BRINP1: variants seen among roughly 807,000 people sequenced by gnomAD.
The protein encoded by BRINP1 is BMP/retinoic acid inducible neural specific 1, also known as BMP/retinoic acid-inducible neural-specific protein 1.
Under a neutral mutation model 72.9 loss-of-function variants are expected in BRINP1, and 17 were observed. The ratio of observed to expected loss-of-function variants is 0.23; its 90% CI spans 0.16 to 0.35. The LOEUF (loss-of-function observed/expected upper bound fraction) is 0.35, where lower values mean the gene tolerates loss of function less well. BRINP1 is among the 10% of genes least tolerant of loss of function. BRINP1 has a pLI of 1.00. For synonymous variants in BRINP1, 418 were observed against 378.5 expected (o/e 1.10, Z -1.21); for missense variants, 850 against 1,001.6 (o/e 0.85, Z 2.04).
intron 5 of BRINP1, among the ~76,000 whole-genome samples, chr9:119,235,760 C>A (rs1290747907): frequency 6.6e-6 from 1 of 152,068 alleles, no homozygotes; most frequent in Admixed American, 6.5e-5. Context: ...TGTAGTTAGT[C>A]TCAATAAAGG....
Position 119,337,022 on chromosome 9 carries a change from T to C in BRINP1, c.-50-23617A>G, listed in dbSNP as rs546580904. On this transcript the variant is annotated intron_variant, in intron 1 of 7. Coordinates refer to ENST00000265922, the MANE Select transcript of BRINP1 (RefSeq NM_014618.3). ...GGGGCCAACCTCTTCTCCATCTCGA[T>C]GGTTCCATTTCTAAGCAGATTTCGT... 5.9e-5 allele frequency among the ~76,000 whole-genome samples: 9 copies of C among 152,188 alleles called. No individual in the cohort carries two copies. In the East Asian group the frequency reaches 1.7e-3, roughly 30 times the overall value.
chr9:119,296,865 A>G (rs1385673002), intron 2 of BRINP1, among the ~76,000 whole-genome samples: 2 of 151,014 alleles, frequency 1.3e-5, no homozygotes, highest in Admixed American at 6.7e-5. Context: ...GGGGGAAGGG[A>G]GAAATGGGGA....
intron 1 of BRINP1, among the ~76,000 whole-genome samples, chr9:119,350,917 T>TA (rs1831501657): frequency 6.6e-6 from 1 of 151,798 alleles, no homozygotes; most frequent in Non-Finnish European, 1.5e-5. Flanking sequence ...TTTTTTTTTT[T>TA]ACTTCAAGTT....
At chr9:119,340,803 A>G (rs1831398345) in intron 1 of BRINP1, among the ~76,000 whole-genome samples, 2 of 152,206 alleles carry the variant, frequency 1.3e-5, no homozygotes, top group South Asian at 4.1e-4. Flanking sequence ...TCTTCCTTAG[A>G]CACAGCTTTT....
chr9:119,215,958 A>T (rs560457610), intron 5 of BRINP1, among the ~76,000 whole-genome samples: 2 of 152,332 alleles, frequency 1.3e-5, no homozygotes, highest in African/African-American at 2.4e-5. Context: ...GTTAGGTTCC[A>T]CTTAGTATCT....
At chr9:119,197,274 G>A (rs1420471151) in intron 7 of BRINP1, among the ~76,000 whole-genome samples, 1 of 152,174 alleles carries the variant, frequency 6.6e-6, no homozygotes, top group African/African-American at 2.4e-5. Flanking sequence ...ACAGAGGAAA[G>A]TATTTTTTCC....
intron 2 of BRINP1, among the ~76,000 whole-genome samples, chr9:119,302,759 A>G (rs113106306): frequency 6.6e-6 from 1 of 152,134 alleles, no homozygotes; most frequent in Non-Finnish European, 1.5e-5. Context: ...ACCTACTTAA[A>G]ATATTTTCTT....
At chr9:119,261,764 CTCTT>C (rs1043713624) in intron 2 of BRINP1, among the ~76,000 whole-genome samples, 21 of 150,096 alleles carry the variant, frequency 1.4e-4, no homozygotes, top group Admixed American at 4.7e-4. Context: ...CTTTCTTTCT[CTCTT>C]CCTTCTTTCC....
chr9:119,226,577 C>T (rs576956819), intron 5 of BRINP1, among the ~76,000 whole-genome samples: 1 of 151,968 alleles, frequency 6.6e-6, no homozygotes. Flanking sequence ...TAAGTTCCCT[C>T]CAGATTCCAG....
intron 2 of BRINP1, among the ~76,000 whole-genome samples, chr9:119,286,382 G>A (rs762548068): frequency 1.3e-5 from 2 of 152,006 alleles, no homozygotes; most frequent in African/African-American, 2.4e-5. Context: ...ACAGGCGCCT[G>A]CCACCACGCC....
intron 7 of BRINP1, among the ~76,000 whole-genome samples, chr9:119,206,722 C>CAAG (rs1398598221): frequency 1.3e-5 from 2 of 152,176 alleles, no homozygotes; most frequent in East Asian, 3.9e-4. Context: ...TCCTGCTCTA[C>CAAG]AAGACATCTT....
At position 119,338,240 on chromosome 9, in the gene BRINP1, T is replaced by C. The variant is rs1317216369; in HGVS notation, c.-50-24835A>G. On this transcript the variant is annotated intron_variant, in intron 1 of 7. Coordinates refer to ENST00000265922, the MANE Select transcript of BRINP1 (RefSeq NM_014618.3). ...GATTATGAGGTTTTTGTTTTTGTTT[T>C]TGTTTCTTTTTTTTTTTGCCTCTGC... Among the ~76,000 whole-genome samples, 9 of 28,622 alleles carry C rather than the reference T, an allele frequency of 3.1e-4. No individual in the cohort carries two copies. The South Asian group carries it at 0.01, about 32-fold the overall frequency. The allele number at this position is 28,622 out of a possible 152,430, so 18.8% of individuals were successfully genotyped here.
intron 7 of BRINP1, among the ~76,000 whole-genome samples, chr9:119,206,884 A>C (rs986995386): frequency 1.3e-5 from 2 of 152,212 alleles, no homozygotes; most frequent in Non-Finnish European, 2.9e-5. Flanking sequence ...CAAGAAAGTA[A>C]GTTTGTGACC....
chr9:119,363,002 G>A (rs1202885574), intron 1 of BRINP1, among the ~76,000 whole-genome samples: 1 of 152,114 alleles, frequency 6.6e-6, no homozygotes, highest in Non-Finnish European at 1.5e-5. Context: ...TCCCTTTTAT[G>A]TCATGTTCCC....
Position 119,313,253 on chromosome 9 carries a change from A to G in BRINP1, c.103T>C (p.Ser35Pro), listed in dbSNP as rs759462808. Residue 35 changes from serine (S) to proline (P), a missense_variant, in exon 2 of 8, where the codon TCC becomes CCC. Physicochemically the swap from Ser to Pro is moderately conservative, Grantham distance 74. Transcript: ENST00000265922. ...QEPAGTDQHV[S>P]KEFDWLISDR... ...GAAATGAGCCAATCAAATTCCTTGG[A>G]GACATGTTGGTCTGTCCCAGCTGGT... The G allele has an allele frequency of 5.6e-6, 9 of 1,614,114 alleles. No homozygotes were observed. Among genetic ancestry groups the G allele is most frequent in the Non-Finnish European group, 7.6e-6 (9 of 1,180,028 alleles).
chr9:119,268,221 C>T (rs532897766), intron 2 of BRINP1, among the ~76,000 whole-genome samples: 15 of 147,584 alleles, frequency 1.0e-4, no homozygotes, highest in Admixed American at 3.4e-4. Flanking sequence ...CCAGCCTGGG[C>T]GACAGAGTGA....
chr9:119,328,229 T>A (rs984498097), intron 1 of BRINP1, among the ~76,000 whole-genome samples: 1 of 152,108 alleles, frequency 6.6e-6, no homozygotes, highest in African/African-American at 2.4e-5. Flanking sequence ...TAGAACAAGA[T>A]AAAGATGCAA....
At chr9:119,240,677 T>A (rs1008380620) in intron 4 of BRINP1, among the ~76,000 whole-genome samples, 1 of 152,196 alleles carries the variant, frequency 6.6e-6, no homozygotes, top group East Asian at 1.9e-4. Flanking sequence ...TCTTTTCGGA[T>A]AAACTGGCCC....
intron 4 of BRINP1, among the ~76,000 whole-genome samples, chr9:119,241,629 A>G (rs1040492377): frequency 2.0e-5 from 3 of 152,178 alleles, no homozygotes; most frequent in Non-Finnish European, 2.9e-5. Context: ...GTGGGGAGGA[A>G]AGAATAAAAA....
Sources: allele counts gnomAD v4.1 joint callset (sites outside exome capture counted in the v4.1 genomes callset), GRCh38; gene constraint gnomAD v4.1.1; transcripts MANE v1.5; gene names NCBI Gene and HGNC (gene_info 2026-07-23, HGNC 2026-07-21).